FHIT: variants seen among roughly 807,000 people sequenced by gnomAD.
The protein encoded by FHIT is fragile histidine triad diadenosine triphosphatase, also known as bis(5'-adenosyl)-triphosphatase.
A neutral mutation model predicts 17.9 loss-of-function variants in FHIT; 19 were observed. The ratio of observed to expected loss-of-function variants is 1.06; its 90% confidence interval spans 0.74 to 1.56. The LOEUF is 1.56. Among genes scored for constraint, FHIT ranks in the 40% most tolerant of loss-of-function variants. The probability of loss-of-function intolerance (pLI) is 0.00; values close to 1 mark genes in which losing one functional copy is unlikely to be tolerated. For synonymous variants in FHIT, 81 were observed against 69.7 expected (o/e 1.16, Z -0.81); for missense variants, 248 against 189.2 (o/e 1.31, Z -1.82).
chr3:59,811,675 G>A (rs1009633509), intron 8 of FHIT, among the ~76,000 whole-genome samples: 3 of 152,290 alleles, frequency 2.0e-5, no homozygotes, highest in Non-Finnish European at 4.4e-5. Context: ...TGCTCACAGC[G>A]CTAGTAATTT....
At chr3:60,155,378 C>T (rs541130211) in intron 5 of FHIT, among the ~76,000 whole-genome samples, 1 of 152,274 alleles carries the variant, frequency 6.6e-6, no homozygotes, top group Admixed American at 6.5e-5. Context: ...AAACAGGACA[C>T]TATTCCCACC....
intron 5 of FHIT, among the ~76,000 whole-genome samples, chr3:60,396,886 G>T (rs952411768): frequency 1.7e-4 from 26 of 151,818 alleles, no homozygotes; most frequent in Non-Finnish European, 3.4e-4. Context: ...TTTTTCCCCA[G>T]AACATTTAAA....
chr3:60,122,894 G>C (rs900724431), intron 5 of FHIT, among the ~76,000 whole-genome samples: 2 of 152,202 alleles, frequency 1.3e-5, no homozygotes, highest in Admixed American at 6.5e-5. Flanking sequence ...TAAGGGATCT[G>C]AAATGTTTCC....
intron 3 of FHIT, among the ~76,000 whole-genome samples, chr3:61,023,911 G>GAA (rs2032593475): frequency 6.6e-6 from 1 of 152,016 alleles, no homozygotes; most frequent in Admixed American, 6.6e-5. Flanking sequence ...AGAAAACCTA[G>GAA]GCAATACCAT....
chr3:61,100,343 G>A (rs1289982793), intron 2 of FHIT, among the ~76,000 whole-genome samples: 1 of 152,126 alleles, frequency 6.6e-6, no homozygotes, highest in Non-Finnish European at 1.5e-5. Context: ...AGTTTGCTGA[G>A]AATGACGGTT....
chr3:60,215,828 A>G (rs929627217), intron 5 of FHIT, among the ~76,000 whole-genome samples: 6 of 152,198 alleles, frequency 3.9e-5, no homozygotes, highest in African/African-American at 1.4e-4. Flanking sequence ...TGGTAACACG[A>G]AATTTCCAAT....
chr3:60,158,163 G>C (rs1417741950), intron 5 of FHIT, among the ~76,000 whole-genome samples: 1 of 152,118 alleles, frequency 6.6e-6, no homozygotes, highest in Non-Finnish European at 1.5e-5. Context: ...AACACATATA[G>C]CTGGGCCTCA....
chr3:61,103,020 A>AT lies in FHIT; in HGVS notation c.-163-60922dup, dbSNP rs1015407301. Among the ~76,000 whole-genome samples the AT allele has an allele frequency of 2.7e-4, 41 of 152,078 alleles. 1 individual carries two copies. The highest frequency in any genetic ancestry group is 9.2e-4 in the Admixed American group (14 of 15,266). ...AAAAAACCAGCTCCTGGATTCATTGATTTTTTGAAGGGCTTTTTGTGTCTC... is the reference window on the plus strand; with the variant it reads ...AAAAAACCAGCTCCTGGATTCATTGATTTTTTTGAAGGGCTTTTTGTGTCTC... On this transcript the variant is annotated intron_variant, in intron 2 of 9. Transcript: ENST00000492590.
In FHIT at chr3:61,026,323, C is replaced by T. The variant is rs567566158; in HGVS notation, c.-111+15724G>A. Among the ~76,000 whole-genome samples, 373 of 152,282 alleles carry T rather than the reference C, an allele frequency of 2.4e-3. 3 individuals are homozygous for T. Among genetic ancestry groups the T allele is most frequent in the African/African-American group, 8.3e-3 (344 of 41,554 alleles). The stretch of plus-strand genomic sequence containing the variant: ...GGGCCTAGGTCTGAGGCCAGCTCCA[C>T]CTCTGACCAGTGTACCTCCAATTCT... On this transcript the variant is annotated intron_variant, in intron 3 of 9. Transcript: ENST00000492590.
chr3:60,530,184 A>G (rs903669033), intron 5 of FHIT, among the ~76,000 whole-genome samples: 12 of 152,192 alleles, frequency 7.9e-5, no homozygotes, highest in Non-Finnish European at 1.5e-5. Flanking sequence ...ACAGGGACCT[A>G]GTAACCCACA....
At chr3:60,664,708 GT>G (rs575588178) in intron 4 of FHIT, among the ~76,000 whole-genome samples, 1,464 of 132,364 alleles carry the variant, frequency 0.011, 26 homozygotes, top group African/African-American at 0.032. Flanking sequence ...AGTTTAGCTA[GT>G]TTTTTTTTTT....
intron 4 of FHIT, among the ~76,000 whole-genome samples, chr3:60,817,987 A>G (rs997744694): frequency 6.6e-6 from 1 of 151,964 alleles, no homozygotes; most frequent in African/African-American, 2.4e-5. Flanking sequence ...GAAAATTTCT[A>G]TGGATCTATC....
At chr3:60,774,264 T>C (rs1447135540) in intron 4 of FHIT, among the ~76,000 whole-genome samples, 1 of 150,192 alleles carries the variant, frequency 6.7e-6, no homozygotes, top group Non-Finnish European at 1.5e-5. Context: ...ATACATACTG[T>C]TTTTTCCCTA....
At chr3:61,023,384 G>C (rs1295988021) in intron 3 of FHIT, among the ~76,000 whole-genome samples, 3 of 152,102 alleles carry the variant, frequency 2.0e-5, no homozygotes, top group African/African-American at 7.2e-5. Flanking sequence ...CTCATGGATA[G>C]GAAAAATCAA....
intron 5 of FHIT, among the ~76,000 whole-genome samples, chr3:60,418,322 C>G (rs1702325552): frequency 7.2e-6 from 1 of 139,798 alleles, no homozygotes; most frequent in South Asian, 2.2e-4. Context: ...ATGCTATATT[C>G]ATACATTAAA....
At chr3:59,808,644 T>C (rs955306525) in intron 8 of FHIT, among the ~76,000 whole-genome samples, 1 of 152,214 alleles carries the variant, frequency 6.6e-6, no homozygotes, top group Non-Finnish European at 1.5e-5. Flanking sequence ...CATACAGCTT[T>C]CTGCTGAGCT....
intron 5 of FHIT, among the ~76,000 whole-genome samples, chr3:60,147,399 A>T (rs761954155): frequency 7.9e-5 from 12 of 152,150 alleles, no homozygotes; most frequent in Non-Finnish European, 1.8e-4. Flanking sequence ...GTTTCGAAGG[A>T]AACCGATACA....
At chr3:59,995,680 G>T (rs1430134765) in intron 7 of FHIT, among the ~76,000 whole-genome samples, 2 of 152,098 alleles carry the variant, frequency 1.3e-5, no homozygotes, top group African/African-American at 4.8e-5. Context: ...GAGAAAAACT[G>T]TGGATCTGGA....
intron 2 of FHIT, among the ~76,000 whole-genome samples, chr3:61,070,694 A>G (rs2106737758): frequency 6.6e-6 from 1 of 152,242 alleles, no homozygotes; most frequent in African/African-American, 2.4e-5. Flanking sequence ...ACCTTTTGAG[A>G]GCATCTCTCT....
Sources: allele counts gnomAD v4.1 joint callset (sites outside exome capture counted in the v4.1 genomes callset), GRCh38; gene constraint gnomAD v4.1.1; transcripts MANE v1.5; gene names NCBI Gene and HGNC (gene_info 2026-07-23, HGNC 2026-07-21).